HTRA1: variants seen among roughly 807,000 people sequenced by gnomAD.
HTRA1 encodes the protein serine protease HTRA1.
A neutral mutation model predicts 49.7 loss-of-function variants in HTRA1; 26 were observed. That is an observed-to-expected ratio of 0.52 (90% confidence interval 0.38 to 0.73). HTRA1 has a LOEUF of 0.73. HTRA1 is among the 30% of genes least tolerant of loss of function. The pLI, the probability that HTRA1 is intolerant of heterozygous loss-of-function variation, is 0.00. For synonymous variants in HTRA1, 291 were observed against 286.9 expected (o/e 1.01, Z -0.14); for missense variants, 561 against 667.2 (o/e 0.84, Z 1.75).
chr10:122,489,363 C>G, intron 2 of HTRA1, 59 bp from the exon 3 acceptor site: 6 of 1,411,040 alleles, frequency 4.3e-6, no homozygotes, highest in Non-Finnish European at 6.0e-6. Context: ...TTAATCAATG[C>G]GTTGAAGCGT....
chr10:122,489,017 C>CT lies in HTRA1; in HGVS notation c.572+21dup. On this transcript the variant is annotated intron_variant, in intron 2 of 8. Coordinates refer to ENST00000368984, the MANE Select transcript of HTRA1 (RefSeq NM_002775.5). The stretch of plus-strand genomic sequence containing the variant: ...TGTTTCGCAAGTAAAGAGAGCCTTC[C>CT]TTTTTCCTATAACCTCCGAAGCTTT... The CT allele has an allele frequency of 6.3e-7, 1 of 1,586,478 alleles. No individual in the cohort carries two copies. Among genetic ancestry groups the CT allele is most frequent in the Non-Finnish European group, 8.7e-7 (1 of 1,154,802 alleles).
Position 122,464,817 on chromosome 10 carries a change from G to T in HTRA1, c.472+2693G>T, listed in dbSNP as rs2097483163. ...GTGAATTGGCTGCCTGCTCTGGCTG[G>T]AAGATTGGCGGGAGAGTCACTTTAG... is the stretch of plus-strand genomic sequence containing the variant. On this transcript the variant is annotated intron_variant, in intron 1 of 8. Transcript: ENST00000368984. The surrounding 1 kb of genome is among the most constrained non-coding windows in gnomAD (Gnocchi z 4.8). Among the ~76,000 whole-genome samples, 1 of 152,228 alleles carries T rather than the reference G, an allele frequency of 6.6e-6. No individual in the cohort carries two copies. Among genetic ancestry groups the T allele is most frequent in the Non-Finnish European group, 1.5e-5 (1 of 68,042 alleles).
Position 122,474,768 on chromosome 10 carries a change from A to AT in HTRA1, c.472+12645dup, listed in dbSNP as rs199888837. Among the ~76,000 whole-genome samples, 3 of 151,826 alleles carry AT rather than the reference A, an allele frequency of 2.0e-5. No individual in the cohort carries two copies. The East Asian group carries it at 5.8e-4, about 29-fold the overall frequency. ...ATTCAGGAGGCATCTGAAAAAAAAA[A>AT]TGTGCAGTGGAATTGATTGGAAGCT... is the stretch of plus-strand genomic sequence containing the variant. On this transcript the variant is annotated intron_variant, in intron 1 of 8. Transcript: ENST00000368984.
chr10:122,476,068 G>C (rs1006391894), intron 1 of HTRA1, among the ~76,000 whole-genome samples: 2 of 152,176 alleles, frequency 1.3e-5, no homozygotes, highest in Non-Finnish European at 2.9e-5. Context: ...TTGCAGACAG[G>C]AGGCCCCCTC....
chr10:122,503,534 G>T (rs1359979732), intron 3 of HTRA1, among the ~76,000 whole-genome samples: 1 of 152,192 alleles, frequency 6.6e-6, no homozygotes, highest in Non-Finnish European at 1.5e-5. Flanking sequence ...TCATTCCCTT[G>T]CAAAGATTTC....
rs1267457680 is a variant in HTRA1 at position 122,506,884 on chromosome 10, A to G, written c.971A>G (p.Asn324Ser). The G allele has an allele frequency of 2.5e-6, 4 of 1,613,202 alleles. No individual in the cohort carries two copies. Among genetic ancestry groups the G allele is most frequent in the African/African-American group, 1.3e-5 (1 of 74,892 alleles). The change falls in exon 4 of 9, where the codon AAC becomes AGC. Residue 324 changes from asparagine to serine, a missense_variant and splice_region_variant. Physicochemically the swap from Asn to Ser is conservative, Grantham distance 46 (BLOSUM62 1). This residue lies in a region of HTRA1 where 271 missense variants were observed against 410.0 expected (regional missense o/e 0.66). Coordinates refer to ENST00000368984, the MANE Select transcript of HTRA1 (RefSeq NM_002775.5). This position sits in a 1 kb window ranked among gnomAD's most constrained non-coding sequence, Gnocchi z 5.2. ...MDYIQTDAIINYGNSGGPLVN... is the reference protein window; with the variant it reads ...MDYIQTDAIISYGNSGGPLVN... ...TACATCCAGACCGACGCCATCATCA[A>G]CGTGAGCCTCTGTCCCTCTGCGGGT...
In HTRA1 at chr10:122,474,492, G is replaced by A. The variant is rs1591026769; in HGVS notation, c.472+12368G>A. Among the ~76,000 whole-genome samples the A allele has an allele frequency of 3.3e-5, 5 of 152,282 alleles. No homozygotes were observed. In the South Asian group the frequency reaches 1.0e-3, roughly 32 times the overall value. ...GCCCTCCTCCTGCACCAGGGGGGCA[G>A]ACTCAACCCGGGTGGGCACTGCCTC... On this transcript the variant is annotated intron_variant, in intron 1 of 8. Coordinates refer to ENST00000368984, the MANE Select transcript of HTRA1 (RefSeq NM_002775.5).
At chr10:122,513,706 A>G (rs913207016) in intron 8 of HTRA1, among the ~76,000 whole-genome samples, 4 of 150,752 alleles carry the variant, frequency 2.7e-5, no homozygotes, top group South Asian at 2.1e-4. Context: ...AAGTAATCCA[A>G]TCTACCGATG....
At position 122,461,699 on chromosome 10, in the gene HTRA1, T is replaced by C; in HGVS notation, c.47T>C (p.Leu16Pro). Residue 16 changes from leucine to proline, a missense_variant, in exon 1 of 9, where the codon CTG becomes CCG. This residue lies in a region of HTRA1 where 111 missense variants were observed against 83.7 expected (regional missense o/e 1.33). Transcript: ENST00000368984. ...CTTCTCCCGCTGCTGCTGCTGCTGC[T>C]GGCGGCGCCCGCCTCGGCGCAGCTG... ...AALLPLLLLL[L>P]AAPASAQLSR... 1.5e-6 allele frequency: 2 copies of C among 1,299,072 alleles called. No individual in the cohort carries two copies. The highest frequency in any genetic ancestry group is 2.0e-6 in the Non-Finnish European group (2 of 1,008,092). The allele number at this position is 1,299,072 out of a possible 1,614,324, so 80.5% of individuals were successfully genotyped here. A position where few individuals can be genotyped will look rare whatever the true frequency, so the allele number is the denominator to read the frequency against.
At chr10:122,469,294 C>T (rs1227857688) in intron 1 of HTRA1, among the ~76,000 whole-genome samples, 1 of 152,110 alleles carries the variant, frequency 6.6e-6, no homozygotes, top group East Asian at 1.9e-4. Flanking sequence ...AAGATTTTAC[C>T]CGATCTTCCA....
chr10:122,473,152 G>A (rs1286639524), intron 1 of HTRA1, among the ~76,000 whole-genome samples: 1 of 152,132 alleles, frequency 6.6e-6, no homozygotes, highest in East Asian at 1.9e-4. Context: ...GTAGAATAAC[G>A]AGCACTTTTA....
At chr10:122,502,454 G>A (rs2097501264) in intron 3 of HTRA1, among the ~76,000 whole-genome samples, 1 of 152,104 alleles carries the variant, frequency 6.6e-6, no homozygotes, top group African/African-American at 2.4e-5. Flanking sequence ...AGATATGGTG[G>A]GGAGACCTGG....
rs2268351 is a variant in HTRA1, at chr10:122,491,582, C to A, written c.777+1956C>A. 3.8e-3 allele frequency among the ~76,000 whole-genome samples: 581 copies of A among 152,330 alleles called. 2 individuals are homozygous for A. The highest frequency in any genetic ancestry group is 5.5e-3 in the Non-Finnish European group (373 of 68,020). On this transcript the variant is annotated intron_variant, in intron 3 of 8. Transcript: ENST00000368984. ...TTGGAATGCGTGGGCACATACCGTGCGGCTGCTTCTGGCCGGGGGATATTC... is the reference window on the plus strand; with the variant it reads ...TTGGAATGCGTGGGCACATACCGTGAGGCTGCTTCTGGCCGGGGGATATTC...
Position 122,464,448 on chromosome 10 carries a change from T to C in HTRA1, c.472+2324T>C, listed in dbSNP as rs932041832. Among the ~76,000 whole-genome samples the C allele has an allele frequency of 3.3e-5, 5 of 152,190 alleles. No homozygotes were observed. The highest frequency in any genetic ancestry group is 4.4e-5 in the Non-Finnish European group (3 of 68,028). On this transcript the variant is annotated intron_variant, in intron 1 of 8. Coordinates refer to ENST00000368984, the MANE Select transcript of HTRA1 (RefSeq NM_002775.5). The surrounding 1 kb of genome is among the most constrained non-coding windows in gnomAD (Gnocchi z 4.8). Reference sequence around the variant, plus strand: ...CTTTTCTTATCCCTCCCTCCTTCTTTTGCAAATATTTATTGAGCTCTGTAG... The same window carrying C: ...CTTTTCTTATCCCTCCCTCCTTCTTCTGCAAATATTTATTGAGCTCTGTAG...
chr10:122,484,385 C>A (rs943134396), intron 1 of HTRA1, among the ~76,000 whole-genome samples: 1 of 152,158 alleles, frequency 6.6e-6, no homozygotes, highest in Non-Finnish European at 1.5e-5. Flanking sequence ...AAGAGACACA[C>A]GTGAAGGCCA....
chr10:122,485,141 C>A (rs551614846), intron 1 of HTRA1, among the ~76,000 whole-genome samples: 1 of 152,218 alleles, frequency 6.6e-6, no homozygotes, highest in East Asian at 1.9e-4. Flanking sequence ...TCTGAAATGG[C>A]GTTTGGACAA....
rs981868016 is a variant in HTRA1 at position 122,461,770 on chromosome 10, C to G, written c.118C>G (p.Arg40Gly). 4.7e-6 allele frequency: 5 copies of G among 1,057,126 alleles called. No homozygotes were observed. The Admixed American group carries it at 1.6e-4, about 33-fold the overall frequency. The allele number at this position is 1,057,126 out of a possible 1,614,324, so 65.5% of individuals were successfully genotyped here. A position where few individuals can be genotyped will look rare whatever the true frequency, so the allele number is the denominator to read the frequency against. ...SAPLAAGCPD[R>G]CEPARCPPQP... ...GCCTTTGGCCGCCGGGTGCCCAGAC[C>G]GCTGCGAGCCGGCGCGCTGCCCGCC... Residue 40 changes from arginine (R) to glycine (G), a missense_variant, in exon 1 of 9, where the codon CGC (arginine) becomes GGC (glycine). Arg to Gly is a moderately radical substitution (Grantham distance 125). This residue lies in a region of HTRA1 where 111 missense variants were observed against 83.7 expected (regional missense o/e 1.33). Coordinates refer to ENST00000368984, the MANE Select transcript of HTRA1 (RefSeq NM_002775.5).
chr10:122,466,682 C>A (rs948937932), intron 1 of HTRA1, among the ~76,000 whole-genome samples: 8 of 152,120 alleles, frequency 5.3e-5, no homozygotes, highest in African/African-American at 1.9e-4. Context: ...GCAGTTTGCT[C>A]GAGAGTCATT....
chr10:122,465,894 A>G (rs1190619345), intron 1 of HTRA1, among the ~76,000 whole-genome samples: 2 of 152,170 alleles, frequency 1.3e-5, no homozygotes, highest in Non-Finnish European at 2.9e-5. Flanking sequence ...CGAGACCTGA[A>G]ACAGACTTCC....
Sources: allele counts gnomAD v4.1 joint callset (sites outside exome capture counted in the v4.1 genomes callset), GRCh38; gene constraint gnomAD v4.1.1; regional missense constraint gnomAD v4.1.1; non-coding constraint Gnocchi (gnomAD v3.1); transcripts MANE v1.5; gene names NCBI Gene and HGNC (gene_info 2026-07-23, HGNC 2026-07-21).